FSTL4: variants seen among roughly 807,000 people sequenced by gnomAD.
FSTL4 encodes the protein follistatin-related protein 4.
A neutral mutation model predicts 78.2 loss-of-function variants in FSTL4; 28 were observed. The observed-to-expected ratio is 0.36, with a 90% CI of 0.27 to 0.49. The LOEUF (loss-of-function observed/expected upper bound fraction) is 0.49. FSTL4 is among the 20% of genes least tolerant of loss of function. The pLI is 0.98. For missense variants in FSTL4, 922 were observed against 1,084.9 expected, an observed-to-expected ratio of 0.85 and a Z score of 2.11; for synonymous variants, 422 against 440.5, an observed-to-expected ratio of 0.96 and a Z score of 0.53.
At chr5:133,662,924 C>A in the FSTL4 span, among the ~76,000 whole-genome samples, 1 of 152,062 alleles carries the variant, frequency 6.6e-6, no homozygotes, top group Non-Finnish European at 1.5e-5. Context: ...AATTTAAGAT[C>A]AAGAGTACAC....
chr5:133,719,022 G>A, the FSTL4 span, among the ~76,000 whole-genome samples: 12 of 152,276 alleles, frequency 7.9e-5, 1 homozygote, highest in South Asian at 1.9e-3. Flanking sequence ...ATTTTGGGGG[G>A]AAAACCTGGA....
intron 6 of FSTL4, among the ~76,000 whole-genome samples, chr5:133,254,332 A>G (rs537462452): frequency 6.6e-6 from 1 of 152,350 alleles, no homozygotes; most frequent in East Asian, 1.9e-4. Context: ...AGAGCCCTGG[A>G]AAAAGCATGG....
chr5:133,392,746 C>T lies in FSTL4; in HGVS notation c.409+7992G>A, dbSNP rs374981706. 3.9e-5 allele frequency among the ~76,000 whole-genome samples: 6 copies of T among 152,078 alleles called. No homozygotes were observed. In the South Asian group the frequency reaches 6.2e-4, roughly 16 times the overall value. ...GCAACCAACGGGACTGAGGAGTGCA[C>T]AGCAAAGGAGGGGTTGGAGAAAGAA... On this transcript the variant is annotated intron_variant, in intron 4 of 15. Coordinates refer to ENST00000265342, the MANE Select transcript of FSTL4 (RefSeq NM_015082.2).
At chr5:133,701,509 A>ACACACACACACACACC in the FSTL4 span, among the ~76,000 whole-genome samples, 1,013 of 132,590 alleles carry the variant, frequency 7.6e-3, 7 homozygotes, top group East Asian at 0.019. Context: ...ACACACACAC[A>ACACACACACACACACC]CCCCACAGGC....
intron 6 of FSTL4, among the ~76,000 whole-genome samples, chr5:133,283,548 T>G (rs1753058900): frequency 1.3e-5 from 2 of 152,186 alleles, no homozygotes; most frequent in Non-Finnish European, 2.9e-5. Flanking sequence ...GTGGCATTCC[T>G]TCCTATACAG....
intron 3 of FSTL4, among the ~76,000 whole-genome samples, chr5:133,466,234 G>T (rs994857911): frequency 6.6e-5 from 10 of 152,216 alleles, no homozygotes; most frequent in Non-Finnish European, 1.3e-4. Flanking sequence ...TGAGGTAGAA[G>T]AATTCCTTGG....
intron 3 of FSTL4, among the ~76,000 whole-genome samples, chr5:133,513,428 A>G (rs1156390479): frequency 1.3e-5 from 2 of 152,202 alleles, no homozygotes; most frequent in Admixed American, 1.3e-4. Flanking sequence ...AGTGGGTAAG[A>G]GCAGAGACCC....
the FSTL4 span, among the ~76,000 whole-genome samples, chr5:133,671,358 C>T: frequency 6.6e-6 from 1 of 152,322 alleles, no homozygotes; most frequent in South Asian, 2.1e-4. Flanking sequence ...AACAGATACA[C>T]ATGCACCATC....
At chr5:133,330,840 C>T (rs1167306896) in intron 4 of FSTL4, among the ~76,000 whole-genome samples, 1 of 152,208 alleles carries the variant, frequency 6.6e-6, no homozygotes, top group Non-Finnish European at 1.5e-5. Context: ...CTTCTTTTCA[C>T]ACTCCCAGGT....
intron 3 of FSTL4, among the ~76,000 whole-genome samples, chr5:133,523,327 T>C (rs966856312): frequency 3.5e-4 from 53 of 152,164 alleles, no homozygotes; most frequent in African/African-American, 1.2e-3. Flanking sequence ...TGCAATACTT[T>C]GTCATGGCAG....
At chr5:133,384,176 A>G (rs1250693389) in intron 4 of FSTL4, among the ~76,000 whole-genome samples, 1 of 152,086 alleles carries the variant, frequency 6.6e-6, no homozygotes, top group Non-Finnish European at 1.5e-5. Flanking sequence ...GGAGGTTGCA[A>G]CTCAGGAAAG....
At chr5:133,288,933 G>A (rs79627562) in intron 6 of FSTL4, among the ~76,000 whole-genome samples, 9,405 of 152,276 alleles carry the variant, frequency 0.062, 524 homozygotes, top group East Asian at 0.25. Context: ...GTCTGTCAGA[G>A]GCTGCTCTCC....
At chr5:133,396,314 G>T (rs576330337) in intron 4 of FSTL4, among the ~76,000 whole-genome samples, 21 of 152,334 alleles carry the variant, frequency 1.4e-4, no homozygotes, top group African/African-American at 4.3e-4. Context: ...TATGAGGTAA[G>T]TGCTGGTATT....
chr5:133,427,529 C>G (rs1756846173), intron 3 of FSTL4: 1 of 469,308 alleles, frequency 2.1e-6, no homozygotes, highest in African/African-American at 2.0e-5. Context: ...CTACACAACA[C>G]AGGCGGCTCT....
intron 3 of FSTL4, among the ~76,000 whole-genome samples, chr5:133,472,155 A>G (rs886461261): frequency 2.0e-5 from 3 of 152,170 alleles, no homozygotes; most frequent in Non-Finnish European, 4.4e-5. Flanking sequence ...TATACTACTG[A>G]TATTTGGGGG....
intron 4 of FSTL4, among the ~76,000 whole-genome samples, chr5:133,342,572 G>A (rs925613626): frequency 5.3e-5 from 8 of 152,120 alleles, no homozygotes; most frequent in African/African-American, 1.7e-4. Context: ...CTCTGGCCAG[G>A]GCTGTGTGTC....
chr5:133,622,187 A>G, the FSTL4 span, among the ~76,000 whole-genome samples: 10 of 152,332 alleles, frequency 6.6e-5, no homozygotes, highest in Admixed American at 6.5e-5. Context: ...TTTGCTCAGC[A>G]TAACTACCTT....
At chr5:133,690,760 A>G in the FSTL4 span, among the ~76,000 whole-genome samples, 1 of 152,220 alleles carries the variant, frequency 6.6e-6, no homozygotes, top group African/African-American at 2.4e-5. Context: ...TTGCCTATAG[A>G]GACAGTGACT....
At chr5:133,631,694 C>G in the FSTL4 span, among the ~76,000 whole-genome samples, 1 of 152,134 alleles carries the variant, frequency 6.6e-6, no homozygotes, top group Non-Finnish European at 1.5e-5. Context: ...AAGACACATG[C>G]ACATGTATGT....
Sources: allele counts gnomAD v4.1 joint callset (sites outside exome capture counted in the v4.1 genomes callset), GRCh38; gene constraint gnomAD v4.1.1; transcripts MANE v1.5; gene names NCBI Gene and HGNC (gene_info 2026-07-23, HGNC 2026-07-21).